UTP4: variants seen among roughly 807,000 people sequenced by gnomAD.
UTP4 encodes the protein U3 small nucleolar RNA-associated protein 4 homolog.
Under a neutral mutation model 82.4 loss-of-function variants are expected in UTP4, and 45 were observed. The observed-to-expected ratio is 0.55, with a 90% CI of 0.43 to 0.70. The LOEUF (loss-of-function observed/expected upper bound fraction) is 0.70, where lower values mean the gene tolerates loss of function less well. UTP4 is among the 30% of genes least tolerant of loss of function. The probability of loss-of-function intolerance (pLI) is 0.00; values close to 1 mark genes in which losing one functional copy is unlikely to be tolerated. For synonymous variants in UTP4, 348 were observed against 300.3 expected, an observed-to-expected ratio of 1.16 and a Z score of -1.64; for missense variants, 819 against 858.3, an observed-to-expected ratio of 0.95 and a Z score of 0.57.
In UTP4 at chr16:69,133,555, T is replaced by C. The variant is rs1247464569; in HGVS notation, c.96T>C (p.Ala32=). Residue 32 remains alanine (A), a synonymous_variant, in exon 2 of 17, where the codon GCT becomes GCC. Transcript: ENST00000314423. ...VAYNNQSNRL[A]VSRTDGTVEI... ...ACAATAACCAGTCAAACAGATTGGC[T>C]GTTTCACGAACAGATGGCACTGTGG... is the stretch of plus-strand genomic sequence containing the variant. The C allele has an allele frequency of 1.9e-6, 3 of 1,614,198 alleles. No homozygotes were observed. The South Asian group carries it at 3.3e-5, about 18-fold the overall frequency.
rs765883944 is a variant in UTP4, at chr16:69,137,785, CCT to C, written c.352-13_352-12del. On this transcript the variant is annotated splice_polypyrimidine_tract_variant and intron_variant, in intron 3 of 16. Coordinates refer to ENST00000314423, the MANE Select transcript of UTP4 (RefSeq NM_032830.3). ...TACTATTGATTTTTTCTGTTTACTA[CCT>C]CTTTCTCAAATAGGTTGGTTGTGAA... 6 of 1,513,054 alleles carry C rather than the reference CCT, an allele frequency of 4.0e-6. No homozygotes were observed. The East Asian group carries it at 1.4e-4, about 34-fold the overall frequency. The allele number at this position is 1,513,054 out of a possible 1,614,324, so 93.7% of individuals were successfully genotyped here.
At chr16:69,150,930 TA>T in intron 8 of UTP4, 26 bp downstream of exon 8, 1 of 1,540,304 alleles carries the variant, frequency 6.5e-7, no homozygotes, top group Non-Finnish European at 9.0e-7. Context: ...AAGCCCCTGC[TA>T]ACCCCTCATC....
rs1277061917 is a variant in UTP4, at chr16:69,157,085, T to C, written c.1289T>C (p.Val430Ala). 6.2e-7 allele frequency: 1 copy of C among 1,614,104 alleles called. No individual in the cohort carries two copies. The highest frequency in any genetic ancestry group is 8.5e-7 in the Non-Finnish European group (1 of 1,180,044). The change falls in exon 12 of 17, where the codon GTT (valine) becomes GCT (alanine). Residue 430 changes from valine to alanine, a missense_variant and splice_region_variant. Coordinates refer to ENST00000314423, the MANE Select transcript of UTP4 (RefSeq NM_032830.3). The part of the protein sequence containing the change: ...YEHDNISLKR[V>A]SKMPAFLRSA... The stretch of plus-strand genomic sequence containing the variant: ...CTTTTATTATTGGTTCACCCAAAGG[T>C]TTCCAAAATGCCAGCATTCCTTCGC...
At position 69,163,163 on chromosome 16, in the gene UTP4, T is replaced by C. The variant is rs1209144795; in HGVS notation, c.1632T>C (p.Ala544=). 8 of 1,613,302 alleles carry C rather than the reference T, an allele frequency of 5.0e-6. No homozygotes were observed. The highest frequency in any genetic ancestry group is 1.3e-5 in the African/African-American group (1 of 74,900). The change falls in exon 14 of 17, where the codon GCT becomes GCC. Residue 544 remains alanine, a synonymous_variant. Transcript: ENST00000314423. ...CCAATACCAACAACCTTGTCATCGCTCATTCGGACCAGCAGGTAAGGGAGA... is the reference window on the plus strand; with the variant it reads ...CCAATACCAACAACCTTGTCATCGCCCATTCGGACCAGCAGGTAAGGGAGA... ...IAPNTNNLVI[A]HSDQQVFEYS...
In UTP4 at chr16:69,155,877, G is replaced by C. The variant is rs374472952; in HGVS notation, c.1171G>C (p.Glu391Gln). The change falls in exon 11 of 17, where the codon GAG becomes CAG. Residue 391 changes from glutamate to glutamine, a missense_variant. By Grantham distance (29) the Glu-to-Gln change is conservative (BLOSUM62 2). Transcript: ENST00000314423. The part of the protein sequence containing the change: ...HLLHLKTKGP[E>Q]NIICSCISPC... Reference sequence around the variant, plus strand: ...TGATTCCTGATATTGCCAGGGTCCTGAGAACATTATCTGTAGCTGTATCTC... The same window carrying C: ...TGATTCCTGATATTGCCAGGGTCCTCAGAACATTATCTGTAGCTGTATCTC... 26 of 1,614,016 alleles carry C rather than the reference G, an allele frequency of 1.6e-5. No individual in the cohort carries two copies. Among genetic ancestry groups the C allele is most frequent in the Non-Finnish European group, 2.0e-5 (24 of 1,180,018 alleles).
chr16:69,143,136 G>A (rs745749219), intron 5 of UTP4, 42 bp from the exon 6 acceptor site: 1 of 1,600,012 alleles, frequency 6.2e-7, no homozygotes, highest in Admixed American at 1.7e-5. Flanking sequence ...TGAAGACAGA[G>A]AAATAAGTAC....
intron 8 of UTP4, among the ~76,000 whole-genome samples, chr16:69,151,392 A>G (rs1306840580): frequency 2.3e-5 from 3 of 133,264 alleles, no homozygotes; most frequent in East Asian, 4.4e-4. Flanking sequence ...GTGCGACTCC[A>G]CTCACTGCAA....
chr16:69,165,459 A>G lies in UTP4; in HGVS notation c.1766A>G (p.His589Arg). The G allele has an allele frequency of 6.2e-7, 1 of 1,614,132 alleles. No individual in the cohort carries two copies. Among genetic ancestry groups the G allele is most frequent in the South Asian group, 1.1e-5 (1 of 91,088 alleles). Reference protein sequence around the residue: ...RDTPITHISFHPKRPMHILLH... With the variant: ...RDTPITHISFRPKRPMHILLH... ...ACTCCTATCACACACATCAGTTTTC[A>G]TCCCAAGAGACCGATGCACATCCTT... The change falls in exon 15 of 17, where the codon CAT becomes CGT. Residue 589 changes from histidine (H) to arginine (R), a missense_variant. Physicochemically the swap from His to Arg is conservative, Grantham distance 29. Coordinates refer to ENST00000314423, the MANE Select transcript of UTP4 (RefSeq NM_032830.3).
intron 15 of UTP4, chr16:69,166,870 CCTT>C: frequency 1.7e-6 from 1 of 583,414 alleles, no homozygotes; most frequent in Middle Eastern, 4.5e-4. Flanking sequence ...CCCTCTCTCT[CCTT>C]TTCTTCTTTT....
intron 6 of UTP4, among the ~76,000 whole-genome samples, chr16:69,143,976 C>G (rs1385297550): frequency 6.6e-6 from 1 of 152,060 alleles, no homozygotes. Context: ...CAACCTCTGC[C>G]TCCCAGGTTC....
intron 14 of UTP4, among the ~76,000 whole-genome samples, chr16:69,163,672 TAAG>T (rs34757066): frequency 0.018 from 2,573 of 145,140 alleles, 35 homozygotes; most frequent in Middle Eastern, 0.051. Flanking sequence ...ATTGTGATTA[TAAG>T]GAGATCTTTA....
Position 69,143,126 on chromosome 16 carries a change from T to C in UTP4, c.527-52T>C, listed in dbSNP as rs1055841001. On this transcript the variant is annotated intron_variant, in intron 5 of 16. Transcript: ENST00000314423. ...TTCCACTTTGGCCGCAGGCAGATTTTGAAGACAGAGAAATAAGTACCATTT... is the reference window on the plus strand; with the variant it reads ...TTCCACTTTGGCCGCAGGCAGATTTCGAAGACAGAGAAATAAGTACCATTT... 5.0e-6 allele frequency: 8 copies of C among 1,592,178 alleles called. No homozygotes were observed. The African/African-American group carries it at 8.1e-5, about 16-fold the overall frequency.
Position 69,136,838 on chromosome 16 carries a change from G to A in UTP4, c.302G>A (p.Gly101Glu). The change falls in exon 3 of 17, where the codon GGA becomes GAA. Residue 101 changes from glycine (G) to glutamate (E), a missense_variant. Physicochemically the swap from Gly to Glu is moderately conservative, Grantham distance 98 (BLOSUM62 -2). Transcript: ENST00000314423. Reference sequence around the variant, plus strand: ...ATCAAGTATGCTATGGATGCCTTTGGAGGACCTATTTGGAGCATGGCTGCC... The same window carrying A: ...ATCAAGTATGCTATGGATGCCTTTGAAGGACCTATTTGGAGCATGGCTGCC... The part of the protein sequence containing the change: ...LNIKYAMDAF[G>E]GPIWSMAASP... The A allele has an allele frequency of 6.2e-7, 1 of 1,614,164 alleles. No homozygotes were observed. Among genetic ancestry groups the A allele is most frequent in the Non-Finnish European group, 8.5e-7 (1 of 1,180,026 alleles).
chr16:69,145,179 CT>C (rs756968723), intron 6 of UTP4, among the ~76,000 whole-genome samples: 8 of 151,908 alleles, frequency 5.3e-5, no homozygotes, highest in Non-Finnish European at 8.8e-5. Flanking sequence ...ATGATTTCAC[CT>C]AAGAGAAAGA....
chr16:69,139,183 G>T (rs1250963360), intron 4 of UTP4: 1 of 151,180 alleles, frequency 6.6e-6, no homozygotes, highest in Non-Finnish European at 1.5e-5. Flanking sequence ...TGGCCAGGCT[G>T]GTCTTGACCT....
chr16:69,165,228 T>A, intron 14 of UTP4, 113 bp from the exon 15 acceptor site: 1 of 864,152 alleles, frequency 1.2e-6, no homozygotes, highest in Non-Finnish European at 1.8e-6. Flanking sequence ...GAGCATAGAA[T>A]GAATATAATA....
intron 16 of UTP4, 61 bp from the exon 17 acceptor site, chr16:69,168,760 G>C: frequency 9.6e-7 from 1 of 1,039,700 alleles, no homozygotes; most frequent in Non-Finnish European, 1.5e-6. Context: ...CCTACAGTCA[G>C]TTCTTTCAGG....
rs1413699825 is a variant in UTP4, at chr16:69,139,849, A to G, written c.461A>G (p.His154Arg). The G allele has an allele frequency of 4.3e-6, 7 of 1,613,902 alleles. No homozygotes were observed. Among genetic ancestry groups the G allele is most frequent in the Non-Finnish European group, 5.1e-6 (6 of 1,179,844 alleles). The part of the protein sequence containing the change: ...QKSRILSLSW[H>R]PSGTHIAAGS... ...GGTCGCATCCTGAGTCTCAGCTGGC[A>G]TCCCTCTGGTACCCACATTGCAGCT... Residue 154 changes from histidine to arginine, a missense_variant, in exon 5 of 17, where the codon CAT becomes CGT. His to Arg is a conservative substitution (Grantham distance 29). Coordinates refer to ENST00000314423, the MANE Select transcript of UTP4 (RefSeq NM_032830.3).
intron 16 of UTP4, 50 bp downstream of exon 16, chr16:69,167,235 C>A: frequency 8.4e-7 from 1 of 1,188,910 alleles, no homozygotes; most frequent in Non-Finnish European, 1.3e-6. Context: ...TTTGTGATAC[C>A]AAAATGTAAT....
Sources: allele counts gnomAD v4.1 joint callset (sites outside exome capture counted in the v4.1 genomes callset), GRCh38; gene constraint gnomAD v4.1.1; transcripts MANE v1.5; gene names NCBI Gene and HGNC (gene_info 2026-07-23, HGNC 2026-07-21).